Variants in MSR1 observed in about 807,000 individuals in gnomAD.
MSR1 encodes macrophage scavenger receptor 1.
MSR1 carries 53 observed loss-of-function variants against 47.2 expected under a neutral mutation model. That is an observed-to-expected ratio of 1.12 (90% CI 0.90 to 1.41). The LOEUF (loss-of-function observed/expected upper bound fraction) is 1.41. Among genes scored for constraint, MSR1 ranks in the 40% most tolerant of loss-of-function variants. MSR1 has a pLI of 0.00. For synonymous variants in MSR1, 239 were observed against 185.6 expected, an observed-to-expected ratio of 1.29 and a Z score of -2.34; for missense variants, 786 against 546.9, an observed-to-expected ratio of 1.44 and a Z score of -4.36.
chr8:16,150,140 G>GTGAATATATATATATATATATATATATA (rs1402495981), intron 7 of MSR1, 91 bp downstream of exon 7: 1 of 172,634 alleles, frequency 5.8e-6, no homozygotes, highest in African/African-American at 3.1e-5. Flanking sequence ...GTGTGTGTGT[G>GTGAATATATATATATATATATATATATA]TATATATATA....
intron 8 of MSR1, among the ~76,000 whole-genome samples, chr8:16,133,380 T>C (rs990950013): frequency 6.6e-6 from 1 of 152,066 alleles, no homozygotes; most frequent in Admixed American, 6.6e-5. Context: ...CAAATGAAGA[T>C]TGTAAGGTAG....
chr8:16,121,206 C>T (rs774108355), intron 8 of MSR1: 1 of 401,596 alleles, frequency 2.5e-6, no homozygotes, highest in South Asian at 1.9e-5. Flanking sequence ...TTGTGTTTTT[C>T]CTCTTTAGAA....
intron 8 of MSR1, among the ~76,000 whole-genome samples, chr8:16,135,701 T>C (rs886669915): frequency 2.6e-5 from 4 of 152,160 alleles, no homozygotes; most frequent in Non-Finnish European, 5.9e-5. Flanking sequence ...GCAAAGTAAA[T>C]TGAAAACTTT....
chr8:16,118,825 A>G (rs1274513926), intron 9 of MSR1, among the ~76,000 whole-genome samples: 4 of 152,176 alleles, frequency 2.6e-5, no homozygotes, highest in Non-Finnish European at 5.9e-5. Context: ...CTTCTCCAGA[A>G]AAACAAAAAA....
rs962780833 is a variant in MSR1, at chr8:16,109,342, A to G, written c.*743T>C. 1 of 152,152 alleles carries G rather than the reference A, an allele frequency of 6.6e-6. No homozygotes were observed. Among genetic ancestry groups the G allele is most frequent in the Non-Finnish European group, 1.5e-5 (1 of 68,022 alleles). 9.4% of individuals were successfully genotyped at this position (152,152 alleles called of 1,614,324 possible). On this transcript the variant is annotated 3_prime_UTR_variant, in exon 10 of 10. Transcript: ENST00000262101. ...GTCCTAGAATTGTAACAAGCTAATT[A>G]TTCCATTTAAAGTGCATAACAAACT...
chr8:16,148,506 G>C (rs1800760129), intron 7 of MSR1, among the ~76,000 whole-genome samples: 1 of 151,646 alleles, frequency 6.6e-6, no homozygotes, highest in Non-Finnish European at 1.5e-5. Flanking sequence ...ACCCAGGCTG[G>C]AGTGCAGTGG....
intron 3 of MSR1, among the ~76,000 whole-genome samples, chr8:16,174,233 G>A (rs1801572797): frequency 6.8e-6 from 1 of 146,800 alleles, no homozygotes; most frequent in African/African-American, 2.5e-5. Flanking sequence ...AGGAACTTTG[G>A]CCTGGTCTTT....
intron 1 of MSR1, among the ~76,000 whole-genome samples, chr8:16,179,194 T>G (rs1801750841): frequency 6.6e-6 from 1 of 152,198 alleles, no homozygotes; most frequent in Admixed American, 6.6e-5. Context: ...ATCAGTAATT[T>G]AATAGAGTAA....
At chr8:16,191,245 C>A (rs1352538930) in intron 1 of MSR1, among the ~76,000 whole-genome samples, 2 of 152,110 alleles carry the variant, frequency 1.3e-5, no homozygotes, top group Non-Finnish European at 2.9e-5. Flanking sequence ...TTATATTGTG[C>A]CTGATGTCAC....
At chr8:16,141,514 G>T (rs1048249500) in intron 8 of MSR1, among the ~76,000 whole-genome samples, 1 of 152,118 alleles carries the variant, frequency 6.6e-6, no homozygotes. Flanking sequence ...ACAGATGACT[G>T]ACATATTAAC....
chr8:16,143,517 T>TTACAAGAA lies in MSR1; in HGVS notation c.1033+33_1033+40dup. The TTACAAGAA allele has an allele frequency of 1.9e-6, 3 of 1,562,484 alleles. No individual in the cohort carries two copies. In the East Asian group the frequency reaches 6.7e-5, roughly 35 times the overall value. On this transcript the variant is annotated intron_variant, in intron 8 of 9. Coordinates refer to ENST00000262101, the MANE Select transcript of MSR1 (RefSeq NM_138715.3). The stretch of plus-strand genomic sequence containing the variant: ...ATCTCTAGTATCACAGACTTACTTA[T>TTACAAGAA]TACAAGAATTCACACAGAAAACAAA...
intron 1 of MSR1, among the ~76,000 whole-genome samples, chr8:16,185,446 A>G (rs1801966812): frequency 1.3e-5 from 2 of 152,148 alleles, no homozygotes; most frequent in Non-Finnish European, 2.9e-5. Context: ...TCATCCATTT[A>G]CATCATCTAT....
chr8:16,190,723 C>CTTTTTTTTTTTTTTTTTTTTT (rs772816603), intron 1 of MSR1, among the ~76,000 whole-genome samples: 3 of 145,306 alleles, frequency 2.1e-5, no homozygotes, highest in African/African-American at 8.1e-5. Flanking sequence ...TTTTTTCTTT[C>CTTTTTTTTTTTTTTTTTTTTT]TTTCTTTTTG....
At chr8:16,125,406 C>T (rs1016470583) in intron 8 of MSR1, among the ~76,000 whole-genome samples, 1 of 152,034 alleles carries the variant, frequency 6.6e-6, no homozygotes, top group Non-Finnish European at 1.5e-5. Flanking sequence ...AATGATCTTT[C>T]GTTAACACAT....
chr8:16,149,595 T>C (rs574680509), intron 7 of MSR1, among the ~76,000 whole-genome samples: 1 of 152,240 alleles, frequency 6.6e-6, no homozygotes, highest in South Asian at 2.1e-4. Flanking sequence ...CTTTCTAAGA[T>C]TGCTGTTCAA....
At chr8:16,144,737 T>C (rs1297914774) in intron 7 of MSR1, among the ~76,000 whole-genome samples, 2 of 152,112 alleles carry the variant, frequency 1.3e-5, no homozygotes, top group Non-Finnish European at 2.9e-5. Flanking sequence ...CCATAAAAGA[T>C]ACACATAAAA....
chr8:16,186,200 A>C, intron 1 of MSR1: 2 of 1,535,480 alleles, frequency 1.3e-6, no homozygotes, highest in Non-Finnish European at 1.7e-6. Context: ...TTGCACTGAG[A>C]TAGCACATCC....
rs942498708 is a variant in MSR1, at chr8:16,186,027, A to G, written c.-5+6571T>C. 20 of 753,496 alleles carry G rather than the reference A, an allele frequency of 2.7e-5. No individual in the cohort carries two copies. The African/African-American group carries it at 3.0e-4, about 11-fold the overall frequency. The allele number at this position is 753,496 out of a possible 1,614,324, so 46.7% of individuals were successfully genotyped here. On this transcript the variant is annotated intron_variant, in intron 1 of 9. Transcript: ENST00000262101. ...AGTTCGTGGCCTGCAAGAAATCCAT[A>G]ACCTGCCACATAGAATTTAAGTTGT...
intron 8 of MSR1, 100 bp downstream of exon 8, chr8:16,143,458 G>C: frequency 2.0e-6 from 2 of 981,432 alleles, no homozygotes; most frequent in East Asian, 2.4e-5. Flanking sequence ...GTATGGATCT[G>C]TGCTGAAGTT....
Sources: gnomAD v4.1 joint callset for allele counts (sites outside exome capture counted in the v4.1 genomes callset) on GRCh38, gnomAD v4.1.1 for gene constraint, MANE v1.5 for transcripts, NCBI Gene and HGNC (gene_info 2026-07-23, HGNC 2026-07-21) for gene names.